The following PRKD3 variants were observed in gnomAD, a reference collection of about 807,000 sequenced individuals.
PRKD3 encodes serine/threonine-protein kinase D3.
Under a neutral mutation model 99.2 loss-of-function variants are expected in PRKD3, and 47 were observed. The observed-to-expected ratio is 0.47, with a 90% CI of 0.38 to 0.60. The LOEUF is 0.60. Ranked by LOEUF, PRKD3 falls within the 20% of genes least tolerant of loss-of-function variation. PRKD3 has a pLI of 0.00. For missense variants in PRKD3, 1,019 were observed against 1,088.4 expected (o/e 0.94, Z 0.90); for synonymous variants, 392 against 355.4 (o/e 1.10, Z -1.16).
rs533978632 is a variant in PRKD3 at position 37,250,938 on chromosome 2, C to T, written c.*2239G>A. The T allele has an allele frequency of 6.5e-6, 1 of 152,698 alleles. No individual in the cohort carries two copies. Among genetic ancestry groups the T allele is most frequent in the Admixed American group, 6.5e-5 (1 of 15,290 alleles). 9.5% of individuals were successfully genotyped at this position (152,698 alleles called of 1,614,324 possible). ...TCAACTCCAGATTCTCTGACAGTGC[C>T]TTTACAAAATTTTTAGAAAACTTCT... is the stretch of plus-strand genomic sequence containing the variant. On this transcript the variant is annotated 3_prime_UTR_variant, in exon 19 of 19. Coordinates refer to ENST00000234179, the MANE Select transcript of PRKD3 (RefSeq NM_005813.6).
At chr2:37,305,838 G>A (rs1002237369) in intron 2 of PRKD3, among the ~76,000 whole-genome samples, 5 of 152,016 alleles carry the variant, frequency 3.3e-5, no homozygotes, top group African/African-American at 1.2e-4. Context: ...AACTACTTTT[G>A]AGCACTAAGT....
intron 3 of PRKD3, among the ~76,000 whole-genome samples, chr2:37,291,729 G>A (rs1279025835): frequency 6.6e-6 from 1 of 152,174 alleles, no homozygotes; most frequent in African/African-American, 2.4e-5. Flanking sequence ...AGAAATATAA[G>A]ATGAGAGGAG....
At chr2:37,314,816 T>C (rs1671586957) in intron 2 of PRKD3, among the ~76,000 whole-genome samples, 1 of 152,122 alleles carries the variant, frequency 6.6e-6, no homozygotes, top group Admixed American at 6.5e-5. Context: ...CAAAAGTGTT[T>C]GAAAACAGTC....
intron 5 of PRKD3, among the ~76,000 whole-genome samples, chr2:37,287,932 T>G (rs1443394423): frequency 6.6e-6 from 1 of 152,202 alleles, no homozygotes; most frequent in Admixed American, 6.5e-5. Flanking sequence ...ATGCTTGAAC[T>G]GACTAAAGTA....
chr2:37,304,444 T>C (rs1482684570), intron 2 of PRKD3, among the ~76,000 whole-genome samples: 1 of 152,138 alleles, frequency 6.6e-6, no homozygotes, highest in Non-Finnish European at 1.5e-5. Flanking sequence ...TTTTTGGATA[T>C]GAAATATCAT....
intron 6 of PRKD3, among the ~76,000 whole-genome samples, chr2:37,285,813 T>C (rs567256018): frequency 2.6e-5 from 4 of 152,256 alleles, no homozygotes; most frequent in African/African-American, 9.6e-5. Flanking sequence ...AAATGAAATA[T>C]GACTCCTATT....
intron 2 of PRKD3, among the ~76,000 whole-genome samples, chr2:37,306,462 G>A (rs1005444143): frequency 1.3e-5 from 2 of 151,990 alleles, no homozygotes; most frequent in African/African-American, 4.8e-5. Flanking sequence ...ATATATATAG[G>A]TTAAAAATTC....
rs187405151 is a variant in PRKD3, at chr2:37,310,780, G to T, written c.288+5457C>A. 2.8e-3 allele frequency among the ~76,000 whole-genome samples: 424 copies of T among 152,256 alleles called. 3 individuals carry two copies. Among genetic ancestry groups the T allele is most frequent in the African/African-American group, 9.7e-3 (402 of 41,554 alleles). ...AAGGCTAGTTAAAAGATAGAACATG[G>T]CATGTCTGAAGCTTAGGAAAGGAAT... On this transcript the variant is annotated intron_variant, in intron 2 of 18. Transcript: ENST00000234179.
rs74618989 is a variant in PRKD3 at position 37,292,975 on chromosome 2, G to T, written c.427+158C>A. 1,548 of 801,338 alleles carry T rather than the reference G, an allele frequency of 1.9e-3. 14 individuals carry two copies. Among genetic ancestry groups the T allele is most frequent in the East Asian group, 0.014 (506 of 35,574 alleles). The allele number at this position is 801,338 out of a possible 1,614,324, so 49.6% of individuals were successfully genotyped here. ...TTCTTTCTTAATGGTGATATAACAT[G>T]CCTGAAAGGAAAAATCATATGGTGA... is the stretch of plus-strand genomic sequence containing the variant. On this transcript the variant is annotated intron_variant, in intron 3 of 18. Coordinates refer to ENST00000234179, the MANE Select transcript of PRKD3 (RefSeq NM_005813.6).
intron 4 of PRKD3, among the ~76,000 whole-genome samples, chr2:37,290,630 C>T (rs1017829954): frequency 1.3e-5 from 2 of 152,190 alleles, no homozygotes; most frequent in South Asian, 2.1e-4. Flanking sequence ...ACCGTTTACT[C>T]TTTATGAAAC....
At chr2:37,306,441 A>G (rs1368421233) in intron 2 of PRKD3, among the ~76,000 whole-genome samples, 2 of 152,252 alleles carry the variant, frequency 1.3e-5, no homozygotes, top group African/African-American at 4.8e-5. Flanking sequence ...ATGAAGATAT[A>G]GGAACTTTTT....
At chr2:37,277,032 A>G (rs767336959) in intron 9 of PRKD3, among the ~76,000 whole-genome samples, 6 of 152,056 alleles carry the variant, frequency 3.9e-5, no homozygotes, top group Non-Finnish European at 8.8e-5. Context: ...TACACACTGC[A>G]GTCTATACTG....
Position 37,289,484 on chromosome 2 carries a change from C to A in PRKD3, c.589G>T (p.Ala197Ser). ...GCGLNYHKRC[A>S]FKIPNNCSGV... ...CTACAGTTATTTGGAATCTTGAAGG[C>A]ACATCGTTTATGGTAATTTAATCCA... Residue 197 changes from alanine to serine, a missense_variant, in exon 5 of 19, where the codon GCC (alanine) becomes TCC (serine). Physicochemically the swap from Ala to Ser is moderately conservative, Grantham distance 99. Transcript: ENST00000234179. The A allele has an allele frequency of 1.2e-6, 2 of 1,613,472 alleles. No homozygotes were observed. Among genetic ancestry groups the A allele is most frequent in the Non-Finnish European group, 1.7e-6 (2 of 1,179,534 alleles).
chr2:37,286,957 G>A (rs537282241), intron 5 of PRKD3, among the ~76,000 whole-genome samples: 4 of 152,136 alleles, frequency 2.6e-5, no homozygotes, highest in South Asian at 2.1e-4. Context: ...CTGGCCAGGC[G>A]TGGTGGCTCA....
At chr2:37,262,525 C>G (rs1668542767) in intron 14 of PRKD3, among the ~76,000 whole-genome samples, 3 of 152,112 alleles carry the variant, frequency 2.0e-5, no homozygotes, top group Non-Finnish European at 2.9e-5. Context: ...AAAATGACAA[C>G]ATTTTATAGT....
chr2:37,293,015 G>A, intron 3 of PRKD3, 118 bp downstream of exon 3: 1 of 1,122,926 alleles, frequency 8.9e-7, no homozygotes, highest in Non-Finnish European at 1.2e-6. Context: ...TATTAGAGAT[G>A]AAAGAAATTA....
chr2:37,324,507 G>C (rs1040419218), intron 1 of PRKD3, 174 bp downstream of exon 1: 23 of 150,438 alleles, frequency 1.5e-4, no homozygotes, highest in Admixed American at 1.3e-3. Flanking sequence ...AGCCCGGCGC[G>C]GGGTCCGAGT....
chr2:37,271,973 C>G (rs1669295334), intron 12 of PRKD3, among the ~76,000 whole-genome samples: 1 of 152,192 alleles, frequency 6.6e-6, no homozygotes, highest in Non-Finnish European at 1.5e-5. Flanking sequence ...TTTGTTCATC[C>G]TAGTGCTCCT....
chr2:37,322,708 TATCTC>T (rs1245254700), intron 1 of PRKD3, among the ~76,000 whole-genome samples: 3 of 152,092 alleles, frequency 2.0e-5, no homozygotes, highest in Admixed American at 2.0e-4. Context: ...AAAATGAAAA[TATCTC>T]ATAAGCACAT....
Sources: allele counts gnomAD v4.1 joint callset (sites outside exome capture counted in the v4.1 genomes callset), GRCh38; gene constraint gnomAD v4.1.1; transcripts MANE v1.5; gene names NCBI Gene and HGNC (gene_info 2026-07-23, HGNC 2026-07-21).